TBCD: variants seen among roughly 807,000 people sequenced by gnomAD.
TBCD encodes the protein tubulin-specific chaperone D.
Under a neutral mutation model 169.3 loss-of-function variants are expected in TBCD, and 105 were observed. The ratio of observed to expected loss-of-function variants is 0.62; its 90% CI spans 0.53 to 0.73. The LOEUF is 0.73. Among genes scored for constraint, TBCD ranks in the 30% least tolerant of loss-of-function variants. The pLI is 0.00. For missense variants in TBCD, 1,444 were observed against 1,600.1 expected, an observed-to-expected ratio of 0.90 and a Z score of 1.66; for synonymous variants, 700 against 643.9, an observed-to-expected ratio of 1.09 and a Z score of -1.32.
At chr17:82,846,286 C>G (rs1196380511) in intron 13 of TBCD, among the ~76,000 whole-genome samples, 262 of 139,076 alleles carry the variant, frequency 1.9e-3, no homozygotes, top group African/African-American at 6.8e-3. Context: ...TCTTGTCCAG[C>G]CCTCTGCTGC....
chr17:82,758,944 G>A (rs956408686), intron 2 of TBCD, among the ~76,000 whole-genome samples: 4 of 152,108 alleles, frequency 2.6e-5, no homozygotes, highest in Non-Finnish European at 5.9e-5. Context: ...TTACAGGTGT[G>A]AGCCATTGTG....
chr17:82,913,862 G>A (rs1177571935), intron 23 of TBCD: 3 of 152,286 alleles, frequency 2.0e-5, no homozygotes, highest in African/African-American at 7.2e-5. Context: ...GGGCAGAATT[G>A]TCACGAGCTC....
At chr17:82,891,057 G>A (rs2059101173) in intron 16 of TBCD, among the ~76,000 whole-genome samples, 1 of 152,348 alleles carries the variant, frequency 6.6e-6, no homozygotes, top group South Asian at 2.1e-4. Context: ...AGAGCCCGGG[G>A]TGACGACCGT....
intron 9 of TBCD, 137 bp from the exon 10 acceptor site, chr17:82,805,735 CCTT>C (rs1361703858): frequency 1.7e-5 from 17 of 1,003,208 alleles, no homozygotes; most frequent in Non-Finnish European, 2.8e-6. Context: ...CCAGGTTCTC[CCTT>C]CTTATCCGGT....
intron 13 of TBCD, chr17:82,838,832 AGCTCGTAAACAAAC>A: frequency 1.0e-6 from 1 of 985,460 alleles, no homozygotes; most frequent in Non-Finnish European, 1.2e-6. Flanking sequence ...TACAGACCTG[AGCTCGTAAACAAAC>A]GCTCACCACT....
chr17:82,772,614 G>A (rs551719648), intron 6 of TBCD, 107 bp downstream of exon 6: 32 of 1,240,138 alleles, frequency 2.6e-5, no homozygotes, highest in South Asian at 1.7e-4. Context: ...GAAGGACCCC[G>A]GGAAGTCTTT....
intron 4 of TBCD, among the ~76,000 whole-genome samples, chr17:82,767,064 C>T (rs539206627): frequency 5.3e-5 from 8 of 152,336 alleles, no homozygotes; most frequent in Non-Finnish European, 7.3e-5. Context: ...ATTGAGCCAG[C>T]GAGGGACCTC....
chr17:82,801,874 T>G lies in TBCD; in HGVS notation c.950+878T>G, dbSNP rs981366292. 2.2e-5 allele frequency among the ~76,000 whole-genome samples: 3 copies of G among 137,998 alleles called. No individual in the cohort carries two copies. The South Asian group carries it at 7.2e-4, about 33-fold the overall frequency. The allele number at this position is 137,998 out of a possible 152,430, so 90.5% of individuals were successfully genotyped here. On this transcript the variant is annotated intron_variant, in intron 9 of 38. Coordinates refer to ENST00000355528, the MANE Select transcript of TBCD (RefSeq NM_005993.5). Reference sequence around the variant, plus strand: ...GTCAGCGTGGCAGGAGGGCGTCGTGTGCGTCGTGTGGTTCGGAGTCAGCGT... The same window carrying G: ...GTCAGCGTGGCAGGAGGGCGTCGTGGGCGTCGTGTGGTTCGGAGTCAGCGT...
intron 17 of TBCD, among the ~76,000 whole-genome samples, chr17:82,894,427 G>T (rs1008749358): frequency 2.0e-5 from 3 of 152,156 alleles, no homozygotes; most frequent in African/African-American, 7.2e-5. Context: ...CCAGAAGCAT[G>T]CCCGATGCAT....
At chr17:82,804,135 G>A (rs2050780618) in intron 9 of TBCD, among the ~76,000 whole-genome samples, 1 of 149,516 alleles carries the variant, frequency 6.7e-6, no homozygotes, top group African/African-American at 2.5e-5. Flanking sequence ...GTGGGGGCTG[G>A]GGTGTGCCTG....
intron 13 of TBCD, among the ~76,000 whole-genome samples, chr17:82,825,011 C>A (rs1205163566): frequency 6.6e-6 from 1 of 151,902 alleles, no homozygotes; most frequent in Admixed American, 6.6e-5. Context: ...AAGGGCTTAT[C>A]CTGGTTGCAA....
chr17:82,781,016 G>A (rs2048912122), intron 6 of TBCD, among the ~76,000 whole-genome samples: 2 of 152,000 alleles, frequency 1.3e-5, no homozygotes, highest in South Asian at 4.2e-4. Context: ...TGCAAGAGGG[G>A]TGGGGAGTGT....
At position 82,880,004 on chromosome 17, in the gene TBCD, C is replaced by T. The variant is rs1386558776; in HGVS notation, c.1476-4141C>T. Among the ~76,000 whole-genome samples, 1 of 152,116 alleles carries T rather than the reference C, an allele frequency of 6.6e-6. No individual in the cohort carries two copies. Among genetic ancestry groups the T allele is most frequent in the Non-Finnish European group, 1.5e-5 (1 of 68,022 alleles). On this transcript the variant is annotated intron_variant, in intron 14 of 38. Transcript: ENST00000355528. This position sits in a 1 kb window ranked among gnomAD's most constrained non-coding sequence, Gnocchi z 5.0. ...CAGGGGGGCTCAAGGGAAGACTCTGCTTCCCTGCTTGAGTTGCCCGCATTC... is the reference window on the plus strand; with the variant it reads ...CAGGGGGGCTCAAGGGAAGACTCTGTTTCCCTGCTTGAGTTGCCCGCATTC...
At chr17:82,780,414 G>C (rs555024972) in intron 6 of TBCD, among the ~76,000 whole-genome samples, 48 of 152,178 alleles carry the variant, frequency 3.2e-4, no homozygotes, top group African/African-American at 1.0e-3. Context: ...CTCGATCATG[G>C]AGGCAAGCTG....
intron 13 of TBCD, among the ~76,000 whole-genome samples, chr17:82,834,029 C>G (rs1156923106): frequency 1.3e-5 from 2 of 152,100 alleles, no homozygotes; most frequent in African/African-American, 4.8e-5. Flanking sequence ...ACTGCAACCT[C>G]CGCCTCCTGG....
At chr17:82,925,766 A>T (rs1323741135) in intron 27 of TBCD, among the ~76,000 whole-genome samples, 1 of 152,188 alleles carries the variant, frequency 6.6e-6, no homozygotes, top group Non-Finnish European at 1.5e-5. Flanking sequence ...AAACAGGATC[A>T]CTTGGAGATA....
At position 82,923,158 on chromosome 17, in the gene TBCD, T is replaced by C. The variant is rs2061519547; in HGVS notation, c.2179-494T>C. ...TTACTCTGGGTGCATAGTGTATGCC[T>C]TTTTCTTCATAACTATTTCTGGGAA... is the stretch of plus-strand genomic sequence containing the variant. On this transcript the variant is annotated intron_variant, in intron 25 of 38. Transcript: ENST00000355528. The surrounding 1 kb of genome is among the most constrained non-coding windows in gnomAD (Gnocchi z 4.6). Among the ~76,000 whole-genome samples the C allele has an allele frequency of 6.6e-6, 1 of 152,248 alleles. No homozygotes were observed. Among genetic ancestry groups the C allele is most frequent in the Non-Finnish European group, 1.5e-5 (1 of 68,044 alleles).
chr17:82,771,923 C>CA (rs33998188), intron 5 of TBCD, among the ~76,000 whole-genome samples: 135 of 139,974 alleles, frequency 9.6e-4, no homozygotes, highest in African/African-American at 1.2e-3. Context: ...GACTCCGTCT[C>CA]AAAAAAAAAA....
intron 2 of TBCD, among the ~76,000 whole-genome samples, chr17:82,758,420 T>TAAA (rs1235412332): frequency 2.0e-3 from 166 of 83,804 alleles, no homozygotes; most frequent in Middle Eastern, 0.014. Context: ...AATAAATAAA[T>TAAA]TTTTTTTTTT....
Sources: gnomAD v4.1 joint callset for allele counts (sites outside exome capture counted in the v4.1 genomes callset) on GRCh38, gnomAD v4.1.1 for gene constraint, Gnocchi (gnomAD v3.1) non-coding constraint, MANE v1.5 for transcripts, NCBI Gene and HGNC (gene_info 2026-07-23, HGNC 2026-07-21) for gene names.